SPEF2: variants seen among roughly 807,000 people sequenced by gnomAD.
SPEF2 encodes sperm flagellar and cilia associated 2.
SPEF2 carries 187 observed loss-of-function variants against 224.6 expected under a neutral mutation model. The observed-to-expected ratio is 0.83, with a 90% CI of 0.74 to 0.94. The LOEUF is 0.94. Ranked by LOEUF, SPEF2 falls within the 40% of genes least tolerant of loss-of-function variation. The pLI is 0.00. For synonymous variants in SPEF2, 715 were observed against 707.3 expected (o/e 1.01, Z -0.17); for missense variants, 2,170 against 2,135.6 (o/e 1.02, Z -0.32).
intron 33 of SPEF2, among the ~76,000 whole-genome samples, chr5:35,797,176 A>G (rs1216900828): frequency 6.6e-6 from 1 of 152,226 alleles, no homozygotes; most frequent in African/African-American, 2.4e-5. Context: ...AAAACAGAAA[A>G]GGACCTTTTA....
chr5:35,787,407 A>G (rs1249487733), intron 30 of SPEF2, among the ~76,000 whole-genome samples: 3 of 152,182 alleles, frequency 2.0e-5, no homozygotes, highest in Admixed American at 6.5e-5. Context: ...CACCAAGGGA[A>G]GAAAATTTTA....
intron 23 of SPEF2, among the ~76,000 whole-genome samples, chr5:35,752,150 C>T (rs1749759492): frequency 6.6e-6 from 1 of 152,072 alleles, no homozygotes; most frequent in Admixed American, 6.6e-5. Context: ...GTAATGCTCA[C>T]TTGCCCACCG....
Position 35,772,100 on chromosome 5 carries a change from A to G in SPEF2, c.3949+344A>G, listed in dbSNP as rs142216021. On this transcript the variant is annotated intron_variant, in intron 27 of 36. Coordinates refer to ENST00000356031, the MANE Select transcript of SPEF2 (RefSeq NM_024867.4). ...AGTAACAAAGAGAAGTTTAAAAGCT[A>G]TGTTTTTAGAAGCTATGTGTATGTT... Among the ~76,000 whole-genome samples the G allele has an allele frequency of 2.1e-3, 322 of 152,350 alleles. 2 individuals carry two copies. The highest frequency in any genetic ancestry group is 5.4e-3 in the Admixed American group (83 of 15,304).
chr5:35,796,793 A>G (rs1258815849), intron 33 of SPEF2, among the ~76,000 whole-genome samples: 1 of 151,444 alleles, frequency 6.6e-6, no homozygotes, highest in Admixed American at 6.6e-5. Context: ...AAATGGAGCA[A>G]TTTCCTTCAA....
At position 35,621,494 on chromosome 5, in the gene SPEF2, T is replaced by A. The variant is rs113152069; in HGVS notation, c.58+3439T>A. ...TATATTGTACATTAAAGTTTTAAAC[T>A]TAGGCATGAATATATATGTTTAAGT... On this transcript the variant is annotated intron_variant, in intron 1 of 36. Coordinates refer to ENST00000356031, the MANE Select transcript of SPEF2 (RefSeq NM_024867.4). Among the ~76,000 whole-genome samples the A allele has an allele frequency of 5.7e-3, 872 of 152,308 alleles. 8 individuals are homozygous for A. Among genetic ancestry groups the A allele is most frequent in the African/African-American group, 0.02 (831 of 41,554 alleles).
At chr5:35,628,601 ATTTG>A in intron 2 of SPEF2, 39 bp downstream of exon 2, 1 of 1,437,836 alleles carries the variant, frequency 7.0e-7, no homozygotes, top group Non-Finnish European at 9.8e-7. Context: ...GTTGTTGTTT[ATTTG>A]TTTTGAGACA....
At chr5:35,766,633 T>C (rs1033266031) in intron 26 of SPEF2, among the ~76,000 whole-genome samples, 3 of 151,914 alleles carry the variant, frequency 2.0e-5, no homozygotes, top group African/African-American at 7.2e-5. Flanking sequence ...TTTTACTATG[T>C]GTCTTTTTTT....
chr5:35,707,519 T>A (rs1740026127), intron 18 of SPEF2, among the ~76,000 whole-genome samples: 1 of 151,988 alleles, frequency 6.6e-6, no homozygotes. Flanking sequence ...AATCTAAGGG[T>A]GGAGTAAGCA....
intron 26 of SPEF2, among the ~76,000 whole-genome samples, chr5:35,765,164 T>C (rs1751923109): frequency 6.6e-6 from 1 of 152,192 alleles, no homozygotes; most frequent in South Asian, 2.1e-4. Context: ...CTCTAAACAC[T>C]GATGTGTAGT....
At position 35,641,418 on chromosome 5, in the gene SPEF2, T is replaced by G. The variant is rs1014903736; in HGVS notation, c.162-13T>G. 1.3e-6 allele frequency: 2 copies of G among 1,598,878 alleles called. No homozygotes were observed. The highest frequency in any genetic ancestry group is 1.7e-6 in the Non-Finnish European group (2 of 1,173,918). On this transcript the variant is annotated splice_polypyrimidine_tract_variant and intron_variant, in intron 2 of 36. Coordinates refer to ENST00000356031, the MANE Select transcript of SPEF2 (RefSeq NM_024867.4). Reference sequence around the variant, plus strand: ...TGCTAATGTCTAATTATGTAAAATATTTTACTGTCCAGGGTTTCAAGTGCC... The same window carrying G: ...TGCTAATGTCTAATTATGTAAAATAGTTTACTGTCCAGGGTTTCAAGTGCC...
At chr5:35,728,903 C>G (rs183537176) in intron 21 of SPEF2, among the ~76,000 whole-genome samples, 2 of 151,770 alleles carry the variant, frequency 1.3e-5, no homozygotes, top group East Asian at 3.9e-4. Context: ...CAAAAACTTA[C>G]CATAGAAGCA....
chr5:35,788,812 T>A, intron 30 of SPEF2: 1 of 702,946 alleles, frequency 1.4e-6, no homozygotes, highest in Non-Finnish European at 2.6e-6. Context: ...TCCAGAACAT[T>A]CCTCTGTACA....
intron 7 of SPEF2, among the ~76,000 whole-genome samples, chr5:35,656,386 G>T (rs907435694): frequency 5.3e-5 from 8 of 152,066 alleles, no homozygotes; most frequent in Non-Finnish European, 8.8e-5. Flanking sequence ...ACATCTCTTT[G>T]TGCTAGAAAG....
chr5:35,706,662 C>T (rs916111395), intron 18 of SPEF2, among the ~76,000 whole-genome samples: 6 of 152,052 alleles, frequency 3.9e-5, no homozygotes, highest in African/African-American at 7.2e-5. Context: ...TGTCTCCTGT[C>T]GCTAAATTTG....
At chr5:35,756,441 A>C (rs1229345206) in intron 24 of SPEF2, among the ~76,000 whole-genome samples, 1 of 152,178 alleles carries the variant, frequency 6.6e-6, no homozygotes, top group Non-Finnish European at 1.5e-5. Context: ...ACTGATCAAC[A>C]GGATCCTATA....
intron 23 of SPEF2, among the ~76,000 whole-genome samples, chr5:35,748,888 A>G (rs1346436111): frequency 6.6e-6 from 1 of 152,160 alleles, no homozygotes; most frequent in Non-Finnish European, 1.5e-5. Flanking sequence ...CAAAAAAGAA[A>G]ATTACAGACC....
In SPEF2 at chr5:35,649,398, T is replaced by G; in HGVS notation, c.764T>G (p.Ile255Arg). The G allele has an allele frequency of 1.2e-6, 2 of 1,612,012 alleles. No homozygotes were observed. Among genetic ancestry groups the G allele is most frequent in the Non-Finnish European group, 1.7e-6 (2 of 1,179,272 alleles). Reference sequence around the variant, plus strand: ...GAAATTAAGAAGTTCGAAGCATTAATAAAAAAGGATCTCCAAGCAAAAGAA... The same window carrying G: ...GAAATTAAGAAGTTCGAAGCATTAAGAAAAAAGGATCTCCAAGCAAAAGAA... Reference protein sequence around the residue: ...ADEIKKFEALIKKDLQAKESA... With the variant: ...ADEIKKFEALRKKDLQAKESA... Residue 255 changes from isoleucine (I) to arginine (R), a missense_variant, in exon 6 of 37, where the codon ATA becomes AGA. Ile to Arg is a moderately conservative substitution (Grantham distance 97, BLOSUM62 -3). Coordinates refer to ENST00000356031, the MANE Select transcript of SPEF2 (RefSeq NM_024867.4).
At chr5:35,770,049 G>A (rs1752614923) in intron 26 of SPEF2, among the ~76,000 whole-genome samples, 1 of 151,016 alleles carries the variant, frequency 6.6e-6, no homozygotes, top group African/African-American at 2.4e-5. Context: ...GTGTGTGTGT[G>A]TGTTGTTTCT....
chr5:35,651,024 A>G (rs1748117279), intron 6 of SPEF2, among the ~76,000 whole-genome samples: 1 of 152,232 alleles, frequency 6.6e-6, no homozygotes. Flanking sequence ...TTCATGATAC[A>G]AGATGGTTGC....
Sources: allele counts gnomAD v4.1 joint callset (sites outside exome capture counted in the v4.1 genomes callset), GRCh38; gene constraint gnomAD v4.1.1; transcripts MANE v1.5; gene names NCBI Gene and HGNC (gene_info 2026-07-23, HGNC 2026-07-21).